GRHL2: variants seen among roughly 807,000 people sequenced by gnomAD.
GRHL2 encodes grainyhead like transcription factor 2.
GRHL2 carries 21 observed loss-of-function variants against 83.8 expected under a neutral mutation model. The observed-to-expected ratio is 0.25, with a 90% CI of 0.18 to 0.36. GRHL2 has a LOEUF of 0.36. GRHL2 is among the 10% of genes least tolerant of loss of function. GRHL2 has a pLI of 1.00. For missense variants in GRHL2, 623 were observed against 781.8 expected, an observed-to-expected ratio of 0.80 and a Z score of 2.42; for synonymous variants, 280 against 278.9, an observed-to-expected ratio of 1.00 and a Z score of -0.04.
chr8:101,644,721 T>C (rs1216967018), intron 13 of GRHL2, among the ~76,000 whole-genome samples: 1 of 152,218 alleles, frequency 6.6e-6, no homozygotes, highest in Non-Finnish European at 1.5e-5. Flanking sequence ...GCCCAGCATG[T>C]CAATGCCATA....
intron 2 of GRHL2, among the ~76,000 whole-genome samples, chr8:101,547,281 A>G (rs1373226997): frequency 6.6e-6 from 1 of 152,082 alleles, no homozygotes; most frequent in Non-Finnish European, 1.5e-5. Flanking sequence ...AAGTTAAATT[A>G]TTGTAAAAAT....
At chr8:101,563,960 T>G (rs1436169623) in intron 4 of GRHL2, among the ~76,000 whole-genome samples, 3 of 152,228 alleles carry the variant, frequency 2.0e-5, no homozygotes, top group Non-Finnish European at 2.9e-5. Flanking sequence ...ATGGATGTGG[T>G]CCAATGTCAA....
intron 1 of GRHL2, among the ~76,000 whole-genome samples, chr8:101,498,115 T>A (rs1042847884): frequency 6.6e-6 from 1 of 152,128 alleles, no homozygotes; most frequent in African/African-American, 2.4e-5. Context: ...TTATTTACAT[T>A]TTTATTTATT....
intron 4 of GRHL2, among the ~76,000 whole-genome samples, chr8:101,567,032 T>A (rs976879169): frequency 1.3e-5 from 2 of 152,116 alleles, no homozygotes; most frequent in African/African-American, 2.4e-5. Context: ...ACCTAAAAAA[T>A]TGTGGCTAAT....
intron 1 of GRHL2, among the ~76,000 whole-genome samples, chr8:101,501,596 G>A (rs1192402222): frequency 1.3e-5 from 2 of 152,238 alleles, no homozygotes; most frequent in African/African-American, 4.8e-5. Flanking sequence ...CGGCCAGCAG[G>A]GGCTGCTGCC....
At chr8:101,574,531 T>C (rs893966870) in intron 6 of GRHL2, among the ~76,000 whole-genome samples, 2 of 152,196 alleles carry the variant, frequency 1.3e-5, no homozygotes, top group African/African-American at 4.8e-5. Context: ...TGATTTATGG[T>C]GTTGGGTCCA....
intron 7 of GRHL2, among the ~76,000 whole-genome samples, chr8:101,593,252 A>AACC (rs1812324574): frequency 6.6e-6 from 1 of 152,058 alleles, no homozygotes; most frequent in Non-Finnish European, 1.5e-5. Flanking sequence ...GGTTGGCATA[A>AACC]TTTTTTTAAA....
At chr8:101,665,541 T>G (rs1026616337) in intron 15 of GRHL2, among the ~76,000 whole-genome samples, 6 of 152,154 alleles carry the variant, frequency 3.9e-5, no homozygotes, top group Non-Finnish European at 7.4e-5. Context: ...CCGAGGTCAA[T>G]GTAGTAGGCT....
At chr8:101,649,127 G>C in intron 13 of GRHL2, among the ~76,000 whole-genome samples, 1 of 152,310 alleles carries the variant, frequency 6.6e-6, no homozygotes, top group Non-Finnish European at 1.5e-5. Context: ...AAAGAGATGC[G>C]ATGTACCCCT....
chr8:101,656,172 T>C (rs1243492007), intron 14 of GRHL2, among the ~76,000 whole-genome samples: 1 of 152,236 alleles, frequency 6.6e-6, no homozygotes, highest in Non-Finnish European at 1.5e-5. Flanking sequence ...TCTTCCCCAG[T>C]TGAATGTCAA....
intron 7 of GRHL2, among the ~76,000 whole-genome samples, chr8:101,593,940 G>T (rs554835834): frequency 1.3e-5 from 2 of 151,892 alleles, no homozygotes; most frequent in Admixed American, 1.3e-4. Context: ...ATGGTGGCAG[G>T]TGCCTGTAAT....
chr8:101,585,927 G>A (rs1812154193), intron 7 of GRHL2, among the ~76,000 whole-genome samples: 1 of 152,088 alleles, frequency 6.6e-6, no homozygotes, highest in South Asian at 2.1e-4. Flanking sequence ...CTGTGTGTGT[G>A]ATGGGGGTGG....
intron 1 of GRHL2, among the ~76,000 whole-genome samples, chr8:101,496,080 G>C (rs1016011311): frequency 4.0e-5 from 6 of 149,782 alleles, no homozygotes; most frequent in African/African-American, 7.3e-5. Flanking sequence ...CCTGGGAGGC[G>C]GGGGTTGCAG....
intron 2 of GRHL2, among the ~76,000 whole-genome samples, chr8:101,549,868 C>A (rs1403215295): frequency 6.6e-6 from 1 of 151,744 alleles, no homozygotes; most frequent in Non-Finnish European, 1.5e-5. Context: ...TTCCAGAGAA[C>A]CCTGTCGGTA....
intron 7 of GRHL2, among the ~76,000 whole-genome samples, chr8:101,592,035 A>G (rs1458326950): frequency 1.3e-5 from 2 of 151,578 alleles, no homozygotes; most frequent in African/African-American, 4.9e-5. Context: ...GAACTGTCAC[A>G]TGGACTTCAT....
Position 101,666,649 on chromosome 8 carries a change from C to T in GRHL2, c.1824C>T (p.Ile608=), listed in dbSNP as rs1400779892. 6.2e-6 allele frequency: 10 copies of T among 1,613,784 alleles called. No homozygotes were observed. In the Admixed American group the frequency reaches 1.7e-4, roughly 27 times the overall value. The change falls in exon 16 of 16, where the codon ATC becomes ATT. Residue 608 remains isoleucine (I), a synonymous_variant. Transcript: ENST00000646743. The part of the protein sequence containing the change: ...IEHYSNEDTF[I]LNMESMVEGF... ...ACTACTCGAACGAGGACACCTTCAT[C>T]CTCAACATGGAGAGCATGGTGGAGG...
chr8:101,559,224 A>G (rs1391608687), intron 4 of GRHL2, among the ~76,000 whole-genome samples: 1 of 151,936 alleles, frequency 6.6e-6, no homozygotes, highest in Non-Finnish European at 1.5e-5. Flanking sequence ...AAAACAATAT[A>G]ACTTTGGCTG....
chr8:101,674,277 T>G (rs1295733974), downstream of GRHL2, among the ~76,000 whole-genome samples: 2 of 152,070 alleles, frequency 1.3e-5, no homozygotes, highest in East Asian at 3.8e-4. Flanking sequence ...GAGCTGGTCT[T>G]TTGAAAAGAT....
At chr8:101,505,070 C>T (rs1393202932) in intron 1 of GRHL2, among the ~76,000 whole-genome samples, 1 of 151,754 alleles carries the variant, frequency 6.6e-6, no homozygotes, top group Non-Finnish European at 1.5e-5. Context: ...AAGCAATCTT[C>T]GGCTGCGGAA....
Sources: gnomAD v4.1 joint callset for allele counts (sites outside exome capture counted in the v4.1 genomes callset) on GRCh38, gnomAD v4.1.1 for gene constraint, MANE v1.5 for transcripts, NCBI Gene and HGNC (gene_info 2026-07-23, HGNC 2026-07-21) for gene names.